Variants in AKAP19 observed in about 807,000 individuals in gnomAD.
AKAP19 encodes the protein small A-kinase anchoring protein.
chr2:190,162,198 A>G, the AKAP19 span, among the ~76,000 whole-genome samples: 1 of 152,172 alleles, frequency 6.6e-6, no homozygotes, highest in Admixed American at 6.5e-5. Context: ...AGGATAGCTT[A>G]TAGGAAATAG....
chr2:190,075,754 A>G, the AKAP19 span, among the ~76,000 whole-genome samples: 2 of 152,020 alleles, frequency 1.3e-5, no homozygotes, highest in East Asian at 1.9e-4. Context: ...TTGGTAGACC[A>G]CATGTAGTTG....
the AKAP19 span, among the ~76,000 whole-genome samples, chr2:190,108,879 C>G: frequency 1.3e-5 from 2 of 150,342 alleles, no homozygotes; most frequent in African/African-American, 2.4e-5. Context: ...TCTAAAAAAC[C>G]TTAAACAGAA....
the AKAP19 span, among the ~76,000 whole-genome samples, chr2:190,013,689 G>A: frequency 6.6e-6 from 1 of 151,612 alleles, no homozygotes; most frequent in African/African-American, 2.4e-5. Flanking sequence ...CTAATTTTTT[G>A]TATTTTTTTT....
At chr2:189,947,005 G>A in the AKAP19 span, among the ~76,000 whole-genome samples, 1 of 152,188 alleles carries the variant, frequency 6.6e-6, no homozygotes, top group Non-Finnish European at 1.5e-5. Flanking sequence ...TATATAAGTT[G>A]TTCAAACTTT....
At chr2:190,177,674 A>C in the AKAP19 span, among the ~76,000 whole-genome samples, 1 of 152,294 alleles carries the variant, frequency 6.6e-6, no homozygotes, top group East Asian at 1.9e-4. This position sits in a 1 kb window ranked among gnomAD's most constrained non-coding sequence, Gnocchi z 4.6. Flanking sequence ...GGAGTCAGCT[A>C]TGTACCTCTG....
the AKAP19 span, among the ~76,000 whole-genome samples, chr2:190,011,523 CATT>C: frequency 6.6e-6 from 1 of 152,178 alleles, no homozygotes; most frequent in African/African-American, 2.4e-5. Flanking sequence ...AATGTCATGT[CATT>C]TTTCCCATAT....
the AKAP19 span, among the ~76,000 whole-genome samples, chr2:190,192,148 G>C: frequency 6.6e-6 from 1 of 152,042 alleles, no homozygotes. Context: ...GGTATAAGTA[G>C]ATTTTGGTGG....
chr2:190,005,097 A>T, the AKAP19 span, among the ~76,000 whole-genome samples: 1 of 152,162 alleles, frequency 6.6e-6, no homozygotes, highest in Non-Finnish European at 1.5e-5. Flanking sequence ...TGCTGACTTC[A>T]GGAGTGAAGC....
chr2:190,063,384 C>T, the AKAP19 span, among the ~76,000 whole-genome samples: 1 of 151,952 alleles, frequency 6.6e-6, no homozygotes, highest in Non-Finnish European at 1.5e-5. Flanking sequence ...GAAAATTATA[C>T]TGAACTTTTG....
chr2:190,177,481 G>A, the AKAP19 span, among the ~76,000 whole-genome samples: 1 of 152,108 alleles, frequency 6.6e-6, no homozygotes, highest in East Asian at 1.9e-4. The surrounding 1 kb of genome is among the most constrained non-coding windows in gnomAD (Gnocchi z 4.6). Flanking sequence ...TGAATCCCAG[G>A]GCCCGGATCC....
the AKAP19 span, among the ~76,000 whole-genome samples, chr2:190,003,504 TTTC>T: frequency 6.6e-6 from 1 of 152,188 alleles, no homozygotes; most frequent in Admixed American, 6.5e-5. Flanking sequence ...TGTCCTTCTA[TTTC>T]TTTACTTTCA....
chr2:190,095,873 T>C, the AKAP19 span, among the ~76,000 whole-genome samples: 2 of 152,164 alleles, frequency 1.3e-5, no homozygotes. Context: ...CTTGTAAGTC[T>C]ACAAGACAGG....
chr2:189,940,563 C>G, the AKAP19 span, among the ~76,000 whole-genome samples: 1 of 151,366 alleles, frequency 6.6e-6, no homozygotes, highest in African/African-American at 2.4e-5. Context: ...GGAAGCTGAG[C>G]AAGAGCAAGG....
chr2:189,914,405 A>T, the AKAP19 span, among the ~76,000 whole-genome samples: 2 of 152,070 alleles, frequency 1.3e-5, no homozygotes, highest in African/African-American at 2.4e-5. Context: ...TAAACAATTT[A>T]AAAATTTTAT....
At chr2:190,154,755 C>T in the AKAP19 span, among the ~76,000 whole-genome samples, 1 of 152,176 alleles carries the variant, frequency 6.6e-6, no homozygotes, top group Non-Finnish European at 1.5e-5. Context: ...AGCAAGTTAC[C>T]TGGCAGTCTA....
the AKAP19 span, among the ~76,000 whole-genome samples, chr2:190,015,126 C>A: frequency 6.6e-6 from 1 of 152,180 alleles, no homozygotes; most frequent in Non-Finnish European, 1.5e-5. Context: ...TACAGCTCCA[C>A]TAGGCAGGGC....
the AKAP19 span, among the ~76,000 whole-genome samples, chr2:190,103,793 C>G: frequency 1.3e-5 from 2 of 152,172 alleles, no homozygotes; most frequent in African/African-American, 2.4e-5. Context: ...ATATTCCTAT[C>G]AAACTACCAA....
the AKAP19 span, among the ~76,000 whole-genome samples, chr2:190,096,432 G>A: frequency 2.0e-5 from 3 of 152,132 alleles, no homozygotes; most frequent in Non-Finnish European, 4.4e-5. Context: ...TCTGACTAAC[G>A]TAACACACAG....
At chr2:190,090,842 T>G in the AKAP19 span, 1 of 152,214 alleles carries the variant, frequency 6.6e-6, no homozygotes, top group Non-Finnish European at 1.5e-5. Context: ...TACTAATACT[T>G]AGCGCACTGT....
Sources: allele counts gnomAD v4.1 joint callset (sites outside exome capture counted in the v4.1 genomes callset), GRCh38; gene constraint gnomAD v4.1.1; non-coding constraint Gnocchi (gnomAD v3.1); transcripts MANE v1.5; gene names NCBI Gene and HGNC (gene_info 2026-07-23, HGNC 2026-07-21).